The following BMI1 variants were observed in gnomAD, a reference collection of about 807,000 sequenced individuals.
The protein encoded by BMI1 is polycomb complex protein BMI-1.
Under a neutral mutation model 39.1 loss-of-function variants are expected in BMI1, and 9 were observed. That is an observed-to-expected ratio of 0.23 (90% CI 0.14 to 0.40). BMI1 has a LOEUF of 0.40. Ranked by LOEUF, BMI1 falls within the 10% of genes least tolerant of loss-of-function variation. BMI1 has a pLI of 1.00. For synonymous variants in BMI1, 131 were observed against 127.9 expected, an observed-to-expected ratio of 1.02 and a Z score of -0.16; for missense variants, 252 against 390.8, an observed-to-expected ratio of 0.64 and a Z score of 2.99.
chr10:22,328,425 G>C (rs1258216628), intron 7 of BMI1, among the ~76,000 whole-genome samples, 175 bp from the exon 8 acceptor site: 2 of 151,996 alleles, frequency 1.3e-5, no homozygotes, highest in African/African-American at 2.4e-5. Context: ...ATTATATTAG[G>C]AATCTGTTCA....
intron 2 of BMI1, 118 bp from the exon 3 acceptor site, chr10:22,326,772 C>T: frequency 7.3e-7 from 1 of 1,373,748 alleles, no homozygotes; most frequent in Non-Finnish European, 1.0e-6. Flanking sequence ...TATGAATTAG[C>T]TTATTTAGTT....
In BMI1 at chr10:22,329,750, T is replaced by C. The variant is rs1233900174; in HGVS notation, c.*208T>C. Reference sequence around the variant, plus strand: ...AAGAAAGATTGTTGTTATAAAGAATTGGTTTCTTGGAAAGCAGGCAAGACT... The same window carrying C: ...AAGAAAGATTGTTGTTATAAAGAATCGGTTTCTTGGAAAGCAGGCAAGACT... On this transcript the variant is annotated 3_prime_UTR_variant, in exon 10 of 10. Coordinates refer to ENST00000376663, the MANE Select transcript of BMI1 (RefSeq NM_005180.9). 1.6e-6 allele frequency: 1 copy of C among 617,590 alleles called. No homozygotes were observed. The highest frequency in any genetic ancestry group is 3.3e-5 in the Admixed American group (1 of 30,036). 38.3% of individuals were successfully genotyped at this position (617,590 alleles called of 1,614,324 possible).
chr10:22,324,043 G>C (rs1274393157), intron 1 of BMI1, among the ~76,000 whole-genome samples: 4 of 152,212 alleles, frequency 2.6e-5, no homozygotes, highest in Non-Finnish European at 5.9e-5. Context: ...GACTTAAGAT[G>C]AATTTGAAAG....
At position 22,329,273 on chromosome 10, in the gene BMI1, C is replaced by T. The variant is rs775560798; in HGVS notation, c.712C>T (p.His238Tyr). Residue 238 changes from histidine (H) to tyrosine (Y), a missense_variant, in exon 10 of 10, where the codon CAC becomes TAC. Physicochemically the swap from His to Tyr is moderately conservative, Grantham distance 83 (BLOSUM62 2). Transcript: ENST00000376663. ...RPTCKRMKIS[H>Y]QRDGLTNAGE... ...TACTTGTAAAAGAATGAAGATCAGT[C>T]ACCAGAGAGATGGACTGACAAATGC... 1.1e-5 allele frequency: 18 copies of T among 1,614,056 alleles called. No homozygotes were observed. Among genetic ancestry groups the T allele is most frequent in the African/African-American group, 2.7e-5 (2 of 74,916 alleles).
chr10:22,328,926 C>A, intron 8 of BMI1, 122 bp from the exon 9 acceptor site: 1 of 1,151,638 alleles, frequency 8.7e-7, no homozygotes, highest in Non-Finnish European at 1.2e-6. Flanking sequence ...TTTCAGGAGT[C>A]TTTCTTTGTT....
intron 1 of BMI1, chr10:22,325,630 C>T (rs925883437): frequency 8.2e-5 from 12 of 145,988 alleles, no homozygotes; most frequent in African/African-American, 1.7e-4. Context: ...CCCTCCCCCG[C>T]CCGCCCGCCC....
In BMI1 at chr10:22,327,867, G is replaced by A. The variant is rs901955678; in HGVS notation, c.316+75G>A. The A allele has an allele frequency of 2.4e-5, 39 of 1,598,106 alleles. 1 individual carries two copies. Among genetic ancestry groups the A allele is most frequent in the Middle Eastern group, 3.3e-4 (2 of 5,994 alleles). On this transcript the variant is annotated intron_variant, in intron 5 of 9. Transcript: ENST00000376663. ...CTAGGAATTAAAATGTATTAAAATT[G>A]ACTTTACCACTTCCATCCTCTTATA... is the stretch of plus-strand genomic sequence containing the variant.
At chr10:22,323,869 G>T (rs1240269428) in intron 1 of BMI1, among the ~76,000 whole-genome samples, 1 of 152,176 alleles carries the variant, frequency 6.6e-6, no homozygotes, top group Non-Finnish European at 1.5e-5. Context: ...TATCAAGCAC[G>T]TCAAACACTT....
rs1424123754 is a variant in BMI1, at chr10:22,330,443, T to C, written c.*901T>C. On this transcript the variant is annotated 3_prime_UTR_variant, in exon 10 of 10. Coordinates refer to ENST00000376663, the MANE Select transcript of BMI1 (RefSeq NM_005180.9). ...TATCTAATTCTAAAGTCTGTTCCATTAGAAGCAATTGGCACATCTTTCTAT... is the reference window on the plus strand; with the variant it reads ...TATCTAATTCTAAAGTCTGTTCCATCAGAAGCAATTGGCACATCTTTCTAT... 3 of 152,508 alleles carry C rather than the reference T, an allele frequency of 2.0e-5. No homozygotes were observed. Among genetic ancestry groups the C allele is most frequent in the Non-Finnish European group, 4.4e-5 (3 of 68,024 alleles). 9.4% of individuals were successfully genotyped at this position (152,508 alleles called of 1,614,324 possible).
chr10:22,326,432 AT>A lies in BMI1; in HGVS notation c.-12del, dbSNP rs768094236. 6.2e-7 allele frequency: 1 copy of A among 1,611,772 alleles called. No homozygotes were observed. The highest frequency in any genetic ancestry group is 1.3e-5 in the African/African-American group (1 of 74,874). ...GGCCATTATTTCTGTGTCTTGCAGG[AT>A]TTTTTATCAAGCAGAAATGCATCGA... On this transcript the variant is annotated splice_region_variant and 5_prime_UTR_variant, in exon 2 of 10. Coordinates refer to ENST00000376663, the MANE Select transcript of BMI1 (RefSeq NM_005180.9).
At chr10:22,325,503 G>C (rs1564349698) in intron 1 of BMI1, among the ~76,000 whole-genome samples, 2 of 151,530 alleles carry the variant, frequency 1.3e-5, no homozygotes, top group African/African-American at 2.4e-5. Flanking sequence ...TGGGTCCCTG[G>C]TCCCCGATCC....
At chr10:22,325,739 A>C (rs1324928542) in intron 1 of BMI1, 3 of 151,670 alleles carry the variant, frequency 2.0e-5, no homozygotes, top group Non-Finnish European at 4.4e-5. Flanking sequence ...GTAAGTTGCT[A>C]TGGAAACCCC....
rs1230129115 is a variant in BMI1, at chr10:22,325,049, T to C, written c.-19-1382T>C. 2.0e-5 allele frequency among the ~76,000 whole-genome samples: 3 copies of C among 152,268 alleles called. No homozygotes were observed. In the East Asian group the frequency reaches 5.8e-4, roughly 29 times the overall value. On this transcript the variant is annotated intron_variant, in intron 1 of 9. Coordinates refer to ENST00000376663, the MANE Select transcript of BMI1 (RefSeq NM_005180.9). ...ATGGTTCTGTACATATTGTCACTAT[T>C]GTACCGATTAAAGTACTTTTTCTTG...
In BMI1 at chr10:22,327,053, C is replaced by T. The variant is rs988385653; in HGVS notation, c.209+67C>T. ...AGTTGTATAATTTACTGAAGGCAAC[C>T]CTCTTTATTTCTTCACAGAAAATTT... On this transcript the variant is annotated intron_variant, in intron 3 of 9. Coordinates refer to ENST00000376663, the MANE Select transcript of BMI1 (RefSeq NM_005180.9). The T allele has an allele frequency of 5.9e-6, 9 of 1,537,286 alleles. No homozygotes were observed. In the East Asian group the frequency reaches 6.8e-5, roughly 12 times the overall value.
intron 8 of BMI1, 147 bp downstream of exon 8, chr10:22,328,845 A>G: frequency 2.0e-6 from 2 of 996,174 alleles, no homozygotes; most frequent in Non-Finnish European, 2.8e-6. Flanking sequence ...AACATTTGGT[A>G]TACATTCTCT....
intron 1 of BMI1, 51 bp from the exon 2 acceptor site, chr10:22,326,380 G>C: frequency 1.2e-6 from 2 of 1,601,186 alleles, no homozygotes; most frequent in South Asian, 1.1e-5. Context: ...ATTACTAGAT[G>C]ATCTCCATTC....
At position 22,327,943 on chromosome 10, in the gene BMI1, G is replaced by GT; in HGVS notation, c.317-5dup. ...TTTAAAAATTACATTTCACTATATCGTTATAGCTGCCAATGGCTCTAATGA... is the reference window on the plus strand; with the variant it reads ...TTTAAAAATTACATTTCACTATATCGTTTATAGCTGCCAATGGCTCTAATGA... On this transcript the variant is annotated splice_region_variant and splice_polypyrimidine_tract_variant and intron_variant, in intron 5 of 9. Transcript: ENST00000376663. 6.3e-7 allele frequency: 1 copy of GT among 1,595,012 alleles called. No homozygotes were observed.
At position 22,328,752 on chromosome 10, in the gene BMI1, AC is replaced by A. The variant is rs1309918297; in HGVS notation, c.570+55del. The A allele has an allele frequency of 1.1e-5, 16 of 1,505,006 alleles. 1 individual carries two copies. The South Asian group carries it at 2.0e-4, about 18-fold the overall frequency. The allele number at this position is 1,505,006 out of a possible 1,614,324, so 93.2% of individuals were successfully genotyped here. A position where few individuals can be genotyped will look rare whatever the true frequency, so the allele number is the denominator to read the frequency against. ...TTACATAGATTTTACAATTTTAATTACATTTTTCACTTTGGATTTTGAACCC... is the reference window on the plus strand; with the variant it reads ...TTACATAGATTTTACAATTTTAATTAATTTTTCACTTTGGATTTTGAACCC... On this transcript the variant is annotated intron_variant, in intron 8 of 9. Transcript: ENST00000376663.
At position 22,321,428 on chromosome 10, in the gene BMI1, T is replaced by A. The variant is rs1040313280; in HGVS notation, c.-288T>A. On this transcript the variant is annotated 5_prime_UTR_variant, in exon 1 of 10. Coordinates refer to ENST00000376663, the MANE Select transcript of BMI1 (RefSeq NM_005180.9). ...GAGGAGGCCCCGGAGGAGGAGGCGT[T>A]GGAGGTCGAGGCGGAGGCGGAGGAG... The A allele has an allele frequency of 6.3e-6, 1 of 159,260 alleles. No homozygotes were observed. Among genetic ancestry groups the A allele is most frequent in the South Asian group, 1.6e-4 (1 of 6,432 alleles). 9.9% of individuals were successfully genotyped at this position (159,260 alleles called of 1,614,324 possible).
Sources: gnomAD v4.1 joint callset for allele counts (sites outside exome capture counted in the v4.1 genomes callset) on GRCh38, gnomAD v4.1.1 for gene constraint, MANE v1.5 for transcripts, NCBI Gene and HGNC (gene_info 2026-07-23, HGNC 2026-07-21) for gene names.